The following CDH6 variants were observed in gnomAD, a reference collection of about 807,000 sequenced individuals.
CDH6 encodes cadherin 6, also known as cadherin-6.
Under a neutral mutation model 78.0 loss-of-function variants are expected in CDH6, and 31 were observed. The ratio of observed to expected loss-of-function variants is 0.40; its 90% CI spans 0.30 to 0.54. The LOEUF (loss-of-function observed/expected upper bound fraction) is 0.54. Among genes scored for constraint, CDH6 ranks in the 20% least tolerant of loss-of-function variants. The pLI, the probability that CDH6 is intolerant of heterozygous loss-of-function variation, is 0.56. For missense variants in CDH6, 724 were observed against 975.9 expected (o/e 0.74, Z 3.44); for synonymous variants, 376 against 368.8 (o/e 1.02, Z -0.23).
At chr5:31,232,942 A>G (rs1741351809) in intron 1 of CDH6, among the ~76,000 whole-genome samples, 1 of 152,200 alleles carries the variant, frequency 6.6e-6, no homozygotes, top group South Asian at 2.1e-4. Context: ...GAAGAAACTG[A>G]GTCACAGAGA....
Position 31,317,710 on chromosome 5 carries a change from T to C in CDH6, c.1668T>C (p.Tyr556=). ...TAGILTRKNG[Y]NRHEMSTYLL... is the part of the protein sequence containing the mutation. ...GAATCTTAACTCGGAAAAATGGCTA[T>C]AATAGACACGAGATGAGCACCTATC... The change falls in exon 11 of 12, where the codon TAT becomes TAC. Residue 556 remains tyrosine, a synonymous_variant. Coordinates refer to ENST00000265071, the MANE Select transcript of CDH6 (RefSeq NM_004932.4). 2 of 1,613,834 alleles carry C rather than the reference T, an allele frequency of 1.2e-6. No individual in the cohort carries two copies. The highest frequency in any genetic ancestry group is 1.7e-6 in the Non-Finnish European group (2 of 1,179,732).
chr5:31,286,857 G>A (rs1215490932), intron 2 of CDH6, among the ~76,000 whole-genome samples: 2 of 152,034 alleles, frequency 1.3e-5, no homozygotes, highest in East Asian at 1.9e-4. Context: ...ATGGGAAAAG[G>A]AAAAAAGTAG....
At position 31,322,983 on chromosome 5, in the gene CDH6, T is replaced by C. The variant is rs758088936; in HGVS notation, c.2048T>C (p.Ile683Thr). 11 of 1,614,026 alleles carry C rather than the reference T, an allele frequency of 6.8e-6. No homozygotes were observed. Among genetic ancestry groups the C allele is most frequent in the Admixed American group, 6.7e-5 (4 of 60,002 alleles). The change falls in exon 12 of 12, where the codon ATA becomes ACA. Residue 683 changes from isoleucine (I) to threonine (T), a missense_variant. Physicochemically the swap from Ile to Thr is moderately conservative, Grantham distance 89. Coordinates refer to ENST00000265071, the MANE Select transcript of CDH6 (RefSeq NM_004932.4). ...GGCACCCTGAGGAATCCTGAAGCCATAGAGGACAACAAATTACGAAGGGAC... is the reference window on the plus strand; with the variant it reads ...GGCACCCTGAGGAATCCTGAAGCCACAGAGGACAACAAATTACGAAGGGAC... ...DIGTLRNPEA[I>T]EDNKLRRDIV...
At chr5:31,214,145 A>AAG (rs1740797359) in intron 1 of CDH6, among the ~76,000 whole-genome samples, 1 of 151,760 alleles carries the variant, frequency 6.6e-6, no homozygotes, top group South Asian at 2.1e-4. Flanking sequence ...TGCCTTAAAA[A>AAG]AAAAAAAAAA....
intron 2 of CDH6, among the ~76,000 whole-genome samples, chr5:31,274,943 T>G (rs1041722364): frequency 2.0e-5 from 3 of 152,226 alleles, no homozygotes; most frequent in African/African-American, 7.2e-5. Context: ...GTAGAAGTTG[T>G]TGCAAGGTTA....
In CDH6 at chr5:31,294,045, T is replaced by C. The variant is rs749230608; in HGVS notation, c.312T>C (p.Asn104=). 2.5e-6 allele frequency: 4 copies of C among 1,613,674 alleles called. No homozygotes were observed. The highest frequency in any genetic ancestry group is 1.3e-5 in the African/African-American group (1 of 74,962). The change falls in exon 3 of 12, where the codon AAT becomes AAC. Residue 104 remains asparagine, a synonymous_variant. Transcript: ENST00000265071. The surrounding 1 kb of genome is among the most constrained non-coding windows in gnomAD (Gnocchi z 4.1). The part of the protein sequence containing the change: ...GDGAGDLFII[N]ENTGDIQATK... ...GAGCAGGAGATCTCTTCATTATTAA[T>C]GAAAACACAGGCGACATACAGGCCA...
At position 31,253,207 on chromosome 5, in the gene CDH6, T is replaced by C. The variant is rs570317278; in HGVS notation, c.-128-14139T>C. On this transcript the variant is annotated intron_variant, in intron 1 of 11. Transcript: ENST00000265071. The stretch of plus-strand genomic sequence containing the variant: ...GTCCCCACCCAAATCTCATCTTGAA[T>C]TGTAGTTCCCATAATCCCCACATGC... Among the ~76,000 whole-genome samples, 8 of 152,296 alleles carry C rather than the reference T, an allele frequency of 5.3e-5. No homozygotes were observed. In the South Asian group the frequency reaches 1.7e-3, roughly 32 times the overall value.
chr5:31,207,068 A>T (rs1356325724), intron 1 of CDH6, among the ~76,000 whole-genome samples: 1 of 152,074 alleles, frequency 6.6e-6, no homozygotes, highest in Non-Finnish European at 1.5e-5. Context: ...ACACAAGAAG[A>T]CTAGTTAAAA....
Position 31,297,368 on chromosome 5 carries a change from T to C in CDH6, c.603T>C (p.Ile201=). 6.2e-7 allele frequency: 1 copy of C among 1,610,746 alleles called. No homozygotes were observed. The highest frequency in any genetic ancestry group is 8.5e-7 in the Non-Finnish European group (1 of 1,177,154). The change falls in exon 4 of 12, where the codon ATT becomes ATC. Residue 201 remains isoleucine, a synonymous_variant. Coordinates refer to ENST00000265071, the MANE Select transcript of CDH6 (RefSeq NM_004932.4). ...ACAGTGCTAAAGTTGTCTACAGTATTCTACAGGGACAGCCCTATTTTTCAG... is the reference window on the plus strand; with the variant it reads ...ACAGTGCTAAAGTTGTCTACAGTATCCTACAGGGACAGCCCTATTTTTCAG... The part of the protein sequence containing the change: ...YGNSAKVVYS[I]LQGQPYFSVE...
intron 1 of CDH6, chr5:31,250,395 C>G (rs374113389): frequency 4.9e-4 from 75 of 152,450 alleles, no homozygotes; most frequent in African/African-American, 1.8e-3. Flanking sequence ...GTGAGCCAGG[C>G]ACCAAGGGTC....
chr5:31,295,906 T>C (rs1023110201), intron 3 of CDH6, among the ~76,000 whole-genome samples: 2 of 152,178 alleles, frequency 1.3e-5, no homozygotes, highest in South Asian at 2.1e-4. Flanking sequence ...TGTCCAGATA[T>C]CATATTCTAA....
rs1381298796 is a variant in CDH6 at position 31,326,365 on chromosome 5, C to T, written c.*3057C>T. ...AAAAACATTAAGCCATTGTTTAAAGCCCCTTCACTTCCTGGCCACTTACTT... is the reference window on the plus strand; with the variant it reads ...AAAAACATTAAGCCATTGTTTAAAGTCCCTTCACTTCCTGGCCACTTACTT... On this transcript the variant is annotated 3_prime_UTR_variant, in exon 12 of 12. Transcript: ENST00000265071. 1 of 212,178 alleles carries T rather than the reference C, an allele frequency of 4.7e-6. No homozygotes were observed. Among genetic ancestry groups the T allele is most frequent in the East Asian group, 7.1e-5 (1 of 14,104 alleles). The allele number at this position is 212,178 out of a possible 1,614,324, so 13.1% of individuals were successfully genotyped here.
At chr5:31,293,940 TA>T in intron 2 of CDH6, 21 bp from the exon 3 acceptor site, 1 of 1,512,980 alleles carries the variant, frequency 6.6e-7, no homozygotes, top group South Asian at 1.2e-5. Flanking sequence ...TTACTTTCTT[TA>T]ATTTTTTTTT....
At chr5:31,290,287 A>G (rs868018721) in intron 2 of CDH6, among the ~76,000 whole-genome samples, 4 of 152,272 alleles carry the variant, frequency 2.6e-5, no homozygotes, top group South Asian at 2.1e-4. Flanking sequence ...TTTAAAAATC[A>G]ACAGAGGAAA....
At chr5:31,220,097 A>G (rs2111829017) in intron 1 of CDH6, among the ~76,000 whole-genome samples, 1 of 152,308 alleles carries the variant, frequency 6.6e-6, no homozygotes, top group African/African-American at 2.4e-5. Flanking sequence ...TCCTTTGTAC[A>G]CTTCCACAAT....
intron 1 of CDH6, among the ~76,000 whole-genome samples, chr5:31,265,749 T>C (rs1221124787): frequency 6.6e-6 from 1 of 151,624 alleles, no homozygotes. Flanking sequence ...GTTGTTGTTG[T>C]TAGTATTATT....
intron 7 of CDH6, among the ~76,000 whole-genome samples, chr5:31,312,535 C>CA (rs1302249401): frequency 6.6e-6 from 1 of 152,144 alleles, no homozygotes; most frequent in Non-Finnish European, 1.5e-5. Context: ...CCTGTCTCTA[C>CA]AAAAAATTAG....
rs1561050527 is a variant in CDH6, at chr5:31,267,974, C to A, written c.228+273C>A. On this transcript the variant is annotated intron_variant, in intron 2 of 11. Coordinates refer to ENST00000265071, the MANE Select transcript of CDH6 (RefSeq NM_004932.4). ...ATTATCATAAATCCTTTAATTTTTA[C>A]TGTAGCTTAAAAAATGTGGTCTGGC... Among the ~76,000 whole-genome samples the A allele has an allele frequency of 2.0e-5, 3 of 152,278 alleles. No individual in the cohort carries two copies. The East Asian group carries it at 5.8e-4, about 29-fold the overall frequency.
chr5:31,243,749 AAC>A (rs1741667755), intron 1 of CDH6, among the ~76,000 whole-genome samples: 1 of 152,202 alleles, frequency 6.6e-6, no homozygotes, highest in Non-Finnish European at 1.5e-5. Flanking sequence ...CCCAGAGGTA[AAC>A]ACAGCTCATG....
Sources: gnomAD v4.1 joint callset for allele counts (sites outside exome capture counted in the v4.1 genomes callset) on GRCh38, gnomAD v4.1.1 for gene constraint, Gnocchi (gnomAD v3.1) non-coding constraint, MANE v1.5 for transcripts, NCBI Gene and HGNC (gene_info 2026-07-23, HGNC 2026-07-21) for gene names.